The following CYP39A1 variants were observed in gnomAD, a reference collection of about 807,000 sequenced individuals.
CYP39A1 encodes 24-hydroxycholesterol 7-alpha-hydroxylase.
CYP39A1 carries 49 observed loss-of-function variants against 58.1 expected under a neutral mutation model. The observed-to-expected ratio is 0.84, with a 90% CI of 0.67 to 1.07. CYP39A1 has a LOEUF of 1.07. CYP39A1 is among the 50% of genes least tolerant of loss of function. The pLI is 0.00. For missense variants in CYP39A1, 531 were observed against 539.4 expected, an observed-to-expected ratio of 0.98 and a Z score of 0.16; for synonymous variants, 209 against 187.6, an observed-to-expected ratio of 1.11 and a Z score of -0.93.
intron 3 of CYP39A1, among the ~76,000 whole-genome samples, chr6:46,638,344 T>TAAAAACAACAACAAC (rs1776124078): frequency 6.6e-6 from 1 of 151,650 alleles, no homozygotes; most frequent in Non-Finnish European, 1.5e-5. Flanking sequence ...ACAACAACAA[T>TAAAAACAACAACAAC]AACAACAACA....
At chr6:46,622,465 A>C (rs1167278328) in intron 7 of CYP39A1, among the ~76,000 whole-genome samples, 1 of 151,212 alleles carries the variant, frequency 6.6e-6, no homozygotes. Context: ...AAAAAAAATG[A>C]AGCCCAATAT....
intron 7 of CYP39A1, among the ~76,000 whole-genome samples, chr6:46,622,334 C>G (rs7772835): frequency 7.9e-5 from 12 of 151,650 alleles, no homozygotes; most frequent in Non-Finnish European, 1.6e-4. Flanking sequence ...TGTTAATTAT[C>G]TATGATTATA....
At chr6:46,636,504 T>C (rs774406519) in intron 4 of CYP39A1, 22 bp from the exon 5 acceptor site, 20 of 1,491,696 alleles carry the variant, frequency 1.3e-5, no homozygotes, top group Non-Finnish European at 1.7e-5. Flanking sequence ...AAAATATATA[T>C]AGAAATTAAT....
intron 7 of CYP39A1, among the ~76,000 whole-genome samples, chr6:46,603,878 C>T (rs1773667199): frequency 1.3e-5 from 2 of 152,136 alleles, no homozygotes; most frequent in Admixed American, 6.6e-5. Flanking sequence ...CTTCCTATTG[C>T]TTAGAAGTCC....
intron 10 of CYP39A1, among the ~76,000 whole-genome samples, chr6:46,573,762 G>T (rs1440241469): frequency 6.6e-6 from 1 of 152,152 alleles, no homozygotes; most frequent in Non-Finnish European, 1.5e-5. Context: ...CTATAGCAGT[G>T]GGTGTCATCA....
chr6:46,596,448 T>G (rs1773168092), intron 7 of CYP39A1, among the ~76,000 whole-genome samples: 1 of 152,094 alleles, frequency 6.6e-6, no homozygotes, highest in South Asian at 2.1e-4. Context: ...CTTTTTCTTG[T>G]CTAAATTCTC....
At chr6:46,564,911 G>A (rs981856048) in intron 10 of CYP39A1, among the ~76,000 whole-genome samples, 4 of 152,202 alleles carry the variant, frequency 2.6e-5, no homozygotes, top group South Asian at 4.1e-4. Flanking sequence ...TCATTGAAGC[G>A]CAGCTATCAA....
chr6:46,557,340 A>G (rs1184013138), intron 10 of CYP39A1, among the ~76,000 whole-genome samples: 1 of 151,636 alleles, frequency 6.6e-6, no homozygotes, highest in Non-Finnish European at 1.5e-5. Flanking sequence ...AGCAGAAGAA[A>G]TATAAAGAAA....
chr6:46,610,612 C>T (rs985880176), intron 7 of CYP39A1, among the ~76,000 whole-genome samples: 10 of 152,160 alleles, frequency 6.6e-5, no homozygotes, highest in South Asian at 4.1e-4. Context: ...CCCAAAGTGC[C>T]GGGATTACAG....
intron 7 of CYP39A1, among the ~76,000 whole-genome samples, chr6:46,601,140 G>C (rs764404430): frequency 2.6e-5 from 4 of 152,212 alleles, no homozygotes; most frequent in Non-Finnish European, 5.9e-5. Flanking sequence ...GAAGTGTTGT[G>C]TGTAGAGAAA....
At chr6:46,632,473 T>C (rs2150582273) in intron 5 of CYP39A1, among the ~76,000 whole-genome samples, 2 of 152,198 alleles carry the variant, frequency 1.3e-5, no homozygotes, top group East Asian at 1.9e-4. Context: ...AGGTTTTTTT[T>C]TTTTCTTAGG....
chr6:46,635,158 A>C (rs1775902326), intron 5 of CYP39A1, among the ~76,000 whole-genome samples: 1 of 152,262 alleles, frequency 6.6e-6, no homozygotes, highest in Non-Finnish European at 1.5e-5. Context: ...ACTAAAAACA[A>C]ACAAAAACTT....
intron 7 of CYP39A1, among the ~76,000 whole-genome samples, chr6:46,605,014 A>G (rs1392081834): frequency 1.3e-5 from 2 of 152,086 alleles, no homozygotes; most frequent in African/African-American, 4.8e-5. Context: ...TAAAAAAAAA[A>G]AAAAGGTCCA....
At position 46,608,948 on chromosome 6, in the gene CYP39A1, C is replaced by T. The variant is rs114894230; in HGVS notation, c.932-12828G>A. On this transcript the variant is annotated intron_variant, in intron 7 of 11. Coordinates refer to ENST00000275016, the MANE Select transcript of CYP39A1 (RefSeq NM_016593.5). Reference sequence around the variant, plus strand: ...CTTTATAACAGTTATTTATAGATAGCGAGAATGGGCTGGTTACAGATTTGT... The same window carrying T: ...CTTTATAACAGTTATTTATAGATAGTGAGAATGGGCTGGTTACAGATTTGT... 6.4e-3 allele frequency among the ~76,000 whole-genome samples: 969 copies of T among 151,730 alleles called. 11 individuals carry two copies. The highest frequency in any genetic ancestry group is 0.022 in the African/African-American group (898 of 41,356).
At chr6:46,602,539 G>A (rs935756967) in intron 7 of CYP39A1, among the ~76,000 whole-genome samples, 6 of 151,874 alleles carry the variant, frequency 4.0e-5, no homozygotes, top group African/African-American at 1.2e-4. Flanking sequence ...TGGACTGGGC[G>A]TGGTAGCTCA....
chr6:46,641,215 G>T (rs1776316813), intron 2 of CYP39A1, among the ~76,000 whole-genome samples: 3 of 151,910 alleles, frequency 2.0e-5, no homozygotes, highest in Admixed American at 2.0e-4. Flanking sequence ...TTTCTGAAGG[G>T]ATACGCGACT....
intron 5 of CYP39A1, among the ~76,000 whole-genome samples, chr6:46,635,752 C>T (rs1775947593): frequency 6.6e-6 from 1 of 151,898 alleles, no homozygotes; most frequent in Non-Finnish European, 1.5e-5. Flanking sequence ...TTGTAGAGAC[C>T]AGGTCTTGCT....
chr6:46,622,587 G>A (rs926034233), intron 7 of CYP39A1, among the ~76,000 whole-genome samples: 2 of 152,020 alleles, frequency 1.3e-5, no homozygotes, highest in Non-Finnish European at 1.5e-5. Context: ...TACTCCAGGT[G>A]ACAAAGTGAG....
At chr6:46,554,324 A>G (rs1376025628) in intron 10 of CYP39A1, among the ~76,000 whole-genome samples, 3 of 152,228 alleles carry the variant, frequency 2.0e-5, no homozygotes, top group Admixed American at 1.3e-4. Context: ...AGATATTTCC[A>G]TGATCACAGA....
Sources: gnomAD v4.1 joint callset for allele counts (sites outside exome capture counted in the v4.1 genomes callset) on GRCh38, gnomAD v4.1.1 for gene constraint, MANE v1.5 for transcripts, NCBI Gene and HGNC (gene_info 2026-07-23, HGNC 2026-07-21) for gene names.